PARP6: variants seen among roughly 807,000 people sequenced by gnomAD.
PARP6 encodes the protein poly(ADP-ribose) polymerase family member 6, also known as protein mono-ADP-ribosyltransferase PARP6.
In PARP6, 27 loss-of-function variants were observed where a neutral mutation model predicts 92.0. The observed-to-expected ratio is 0.29, with a 90% CI of 0.22 to 0.40. PARP6 has a LOEUF of 0.40. Ranked by LOEUF, PARP6 falls within the 10% of genes least tolerant of loss-of-function variation. PARP6 has a pLI of 1.00. For synonymous variants in PARP6, 272 were observed against 281.2 expected (o/e 0.97, Z 0.33); for missense variants, 501 against 784.5 (o/e 0.64, Z 4.32).
At chr15:72,255,124 T>C (rs2084896209) in intron 14 of PARP6, among the ~76,000 whole-genome samples, 1 of 152,190 alleles carries the variant, frequency 6.6e-6, no homozygotes, top group Non-Finnish European at 1.5e-5. Context: ...GTATTCCTCC[T>C]GCCTGATTGC....
chr15:72,254,716 A>G (rs2084838821), intron 14 of PARP6, among the ~76,000 whole-genome samples, 196 bp from the exon 15 acceptor site: 1 of 152,220 alleles, frequency 6.6e-6, no homozygotes, highest in African/African-American at 2.4e-5. Flanking sequence ...TAACAGGGTA[A>G]GTTATTTGGC....
chr15:72,262,922 T>C (rs1209695609), intron 8 of PARP6, among the ~76,000 whole-genome samples: 3 of 152,226 alleles, frequency 2.0e-5, no homozygotes, highest in Non-Finnish European at 4.4e-5. Flanking sequence ...ATGCCTTCCT[T>C]TGGCAATCTC....
chr15:72,271,742 G>A (rs528870511), intron 1 of PARP6, among the ~76,000 whole-genome samples: 29 of 152,322 alleles, frequency 1.9e-4, no homozygotes, highest in African/African-American at 6.3e-4. Context: ...ATCTAAATGA[G>A]GTAAAGAATG....
At chr15:72,251,499 A>AT in intron 16 of PARP6, 1 of 209,242 alleles carries the variant, frequency 4.8e-6, no homozygotes. Flanking sequence ...TAAACAATGG[A>AT]TGAAAAAAAA....
chr15:72,255,906 C>A (rs1366875850), intron 14 of PARP6, among the ~76,000 whole-genome samples: 3 of 145,960 alleles, frequency 2.1e-5, no homozygotes, highest in Non-Finnish European at 4.5e-5. Flanking sequence ...ATGCCATTCT[C>A]CTGCCTCAGC....
intron 11 of PARP6, 54 bp from the exon 12 acceptor site, chr15:72,258,186 G>A (rs2085376446): frequency 1.5e-6 from 2 of 1,332,648 alleles, no homozygotes; most frequent in Admixed American, 3.4e-5. Context: ...ACACAGATAT[G>A]GGAAATAATT....
At chr15:72,258,328 C>T (rs1470550858) in intron 11 of PARP6, among the ~76,000 whole-genome samples, 196 bp from the exon 12 acceptor site, 1 of 152,160 alleles carries the variant, frequency 6.6e-6, no homozygotes, top group African/African-American at 2.4e-5. Flanking sequence ...AAAATAAGAA[C>T]ATGATGTTTG....
Position 72,242,933 on chromosome 15 carries a change from G to A in PARP6, c.1562-234C>T. 3 of 489,596 alleles carry A rather than the reference G, an allele frequency of 6.1e-6. No individual in the cohort carries two copies. Among genetic ancestry groups the A allele is most frequent in the Non-Finnish European group, 1.1e-5 (3 of 278,106 alleles). 30.3% of individuals were successfully genotyped at this position (489,596 alleles called of 1,614,324 possible). On this transcript the variant is annotated intron_variant, in intron 20 of 23. Transcript: ENST00000569795. This position sits in a 1 kb window ranked among gnomAD's most constrained non-coding sequence, Gnocchi z 4.3. ...GAGCATGGTGTGAGCCTAGAGGAGGGCAACTAGCCTAGCCTAAGAGTTTAA... is the reference window on the plus strand; with the variant it reads ...GAGCATGGTGTGAGCCTAGAGGAGGACAACTAGCCTAGCCTAAGAGTTTAA...
At chr15:72,257,977 AAAG>A in intron 12 of PARP6, 57 bp downstream of exon 12, 2 of 1,139,502 alleles carry the variant, frequency 1.8e-6, no homozygotes, top group Non-Finnish European at 1.3e-6. Flanking sequence ...AGAAGGAAAT[AAAG>A]GAGAGGAGTG....
At chr15:72,260,746 G>A in intron 9 of PARP6, 58 bp from the exon 10 acceptor site, 1 of 1,344,580 alleles carries the variant, frequency 7.4e-7, no homozygotes, top group African/African-American at 1.4e-5. Flanking sequence ...GATCCCTGGA[G>A]GGGACTGGAG....
chr15:72,242,567 A>G lies in PARP6; in HGVS notation c.1641+53T>C. 8.4e-7 allele frequency: 1 copy of G among 1,193,556 alleles called. No individual in the cohort carries two copies. The highest frequency in any genetic ancestry group is 1.3e-6 in the Non-Finnish European group (1 of 796,562). 73.9% of individuals were successfully genotyped at this position (1,193,556 alleles called of 1,614,324 possible). On this transcript the variant is annotated intron_variant, in intron 21 of 23. Transcript: ENST00000569795. This position sits in a 1 kb window ranked among gnomAD's most constrained non-coding sequence, Gnocchi z 4.3. The stretch of plus-strand genomic sequence containing the variant: ...CCACTGTTTCCCTGTCCAGCTCTGG[A>G]GCCTAAATTAGCCCCAGGGAAAGGT...
chr15:72,251,079 G>A lies in PARP6; in HGVS notation c.1309-125C>T, dbSNP rs1209487321. On this transcript the variant is annotated intron_variant, in intron 17 of 23. Coordinates refer to ENST00000569795, the MANE Select transcript of PARP6 (RefSeq NM_001323532.2). ...CCCCACACAAGGGAAATATGCTAAG[G>A]CCCAAAGACTAAGTTGATGGACAGA... 6.1e-6 allele frequency: 6 copies of A among 984,310 alleles called. No individual in the cohort carries two copies. In the East Asian group the frequency reaches 7.2e-5, roughly 12 times the overall value. 61.0% of individuals were successfully genotyped at this position (984,310 alleles called of 1,614,324 possible).
intron 5 of PARP6, 73 bp from the exon 6 acceptor site, chr15:72,265,546 G>C: frequency 1.7e-6 from 2 of 1,177,120 alleles, no homozygotes; most frequent in South Asian, 1.2e-5. Flanking sequence ...GAGTTGGAAA[G>C]AGAACTGAGC....
rs1243765291 is a variant in PARP6 at position 72,258,151 on chromosome 15, C to A, written c.811-19G>T. The A allele has an allele frequency of 6.3e-7, 1 of 1,575,076 alleles. No homozygotes were observed. Among genetic ancestry groups the A allele is most frequent in the South Asian group, 1.1e-5 (1 of 90,274 alleles). ...TCATGATCTGAGAAAACAACAGATT[C>A]TAAGTCTTTTGGAAGTACTGGCACA... On this transcript the variant is annotated intron_variant, in intron 11 of 23. Transcript: ENST00000569795.
intron 12 of PARP6, 52 bp downstream of exon 12, chr15:72,257,985 G>C: frequency 8.4e-7 from 1 of 1,196,940 alleles, no homozygotes; most frequent in Non-Finnish European, 1.3e-6. Flanking sequence ...ATAAAGGAGA[G>C]GAGTGAAGGG....
intron 8 of PARP6, among the ~76,000 whole-genome samples, chr15:72,262,636 C>G (rs1458401749): frequency 1.3e-5 from 2 of 152,194 alleles, no homozygotes; most frequent in Non-Finnish European, 2.9e-5. Flanking sequence ...TCCAAACTTT[C>G]TGTATTCTGG....
chr15:72,241,749 C>T lies in PARP6; in HGVS notation c.1790+152G>A. 1.3e-6 allele frequency: 1 copy of T among 753,888 alleles called. No individual in the cohort carries two copies. Among genetic ancestry groups the T allele is most frequent in the Non-Finnish European group, 2.3e-6 (1 of 434,988 alleles). 46.7% of individuals were successfully genotyped at this position (753,888 alleles called of 1,614,324 possible). On this transcript the variant is annotated intron_variant, in intron 23 of 23. Transcript: ENST00000569795. This position sits in a 1 kb window ranked among gnomAD's most constrained non-coding sequence, Gnocchi z 4.1. ...GATCCCAACCATCTATACCCATTCCCATCCTCCAATGGTAAAGTCCCAGTG... is the reference window on the plus strand; with the variant it reads ...GATCCCAACCATCTATACCCATTCCTATCCTCCAATGGTAAAGTCCCAGTG...
chr15:72,270,433 C>G (rs1044066809), intron 2 of PARP6, among the ~76,000 whole-genome samples: 1 of 152,014 alleles, frequency 6.6e-6, no homozygotes, highest in South Asian at 2.1e-4. Flanking sequence ...AAAAAAAAAT[C>G]AGAAGCTACT....
At position 72,253,547 on chromosome 15, in the gene PARP6, G is replaced by A. The variant is rs775500277; in HGVS notation, c.1192-43C>T. The A allele has an allele frequency of 2.7e-6, 4 of 1,503,666 alleles. No individual in the cohort carries two copies. In the African/African-American group the frequency reaches 4.1e-5, roughly 15 times the overall value. The allele number at this position is 1,503,666 out of a possible 1,614,324, so 93.1% of individuals were successfully genotyped here. A position where few individuals can be genotyped will look rare whatever the true frequency, so the allele number is the denominator to read the frequency against. ...TAACGTTATCTCCTTGGAGAGGTGG[G>A]AGCCTACCTGCTTTCTGCTTTTCAC... On this transcript the variant is annotated intron_variant, in intron 15 of 23. Coordinates refer to ENST00000569795, the MANE Select transcript of PARP6 (RefSeq NM_001323532.2).
Sources: gnomAD v4.1 joint callset for allele counts (sites outside exome capture counted in the v4.1 genomes callset) on GRCh38, gnomAD v4.1.1 for gene constraint, Gnocchi (gnomAD v3.1) non-coding constraint, MANE v1.5 for transcripts, NCBI Gene and HGNC (gene_info 2026-07-23, HGNC 2026-07-21) for gene names.